The following GALNTL6 variants were observed in gnomAD, a reference collection of about 807,000 sequenced individuals.
The protein encoded by GALNTL6 is polypeptide N-acetylgalactosaminyltransferase-like 6.
Under a neutral mutation model 73.7 loss-of-function variants are expected in GALNTL6, and 46 were observed. The ratio of observed to expected loss-of-function variants is 0.62; its 90% CI spans 0.49 to 0.80. The LOEUF is 0.80. GALNTL6 is among the 30% of genes least tolerant of loss of function. The pLI, the probability that GALNTL6 is intolerant of heterozygous loss-of-function variation, is 0.00. For missense variants in GALNTL6, 604 were observed against 755.0 expected (o/e 0.80, Z 2.34); for synonymous variants, 259 against 263.7 (o/e 0.98, Z 0.17).
At chr4:172,490,961 T>G (rs1733873513) in intron 5 of GALNTL6, among the ~76,000 whole-genome samples, 1 of 152,084 alleles carries the variant, frequency 6.6e-6, no homozygotes, top group Non-Finnish European at 1.5e-5. Context: ...GAGATGGGGC[T>G]AGGGATAAAT....
chr4:172,132,413 C>G (rs1733522842), intron 2 of GALNTL6, among the ~76,000 whole-genome samples: 1 of 152,128 alleles, frequency 6.6e-6, no homozygotes, highest in Non-Finnish European at 1.5e-5. Flanking sequence ...TCTTTTCCAA[C>G]AGCAGTTCAA....
intron 5 of GALNTL6, among the ~76,000 whole-genome samples, chr4:172,760,674 T>C (rs1458800611): frequency 6.6e-6 from 1 of 152,158 alleles, no homozygotes; most frequent in Non-Finnish European, 1.5e-5. Context: ...TCAAGGACAC[T>C]GGTCCCTGCT....
At chr4:172,439,887 A>G (rs530631575) in intron 5 of GALNTL6, among the ~76,000 whole-genome samples, 2 of 152,176 alleles carry the variant, frequency 1.3e-5, no homozygotes, top group Non-Finnish European at 2.9e-5. Flanking sequence ...ACAGAGTGGA[A>G]CATTTGCTAA....
chr4:172,594,965 G>T (rs1046451410), intron 5 of GALNTL6, among the ~76,000 whole-genome samples: 17 of 152,116 alleles, frequency 1.1e-4, no homozygotes, highest in African/African-American at 4.1e-4. Flanking sequence ...AGAGGTCAGG[G>T]TGGCCCCGTG....
intron 3 of GALNTL6, among the ~76,000 whole-genome samples, chr4:172,285,945 A>C (rs1244283587): frequency 3.7e-4 from 56 of 152,220 alleles, no homozygotes; most frequent in Non-Finnish European, 5.9e-5. Context: ...TGGATGAAAA[A>C]TACAAAAGAC....
chr4:172,048,691 C>T (rs1379139639), intron 2 of GALNTL6, among the ~76,000 whole-genome samples: 1 of 152,024 alleles, frequency 6.6e-6, no homozygotes, highest in Non-Finnish European at 1.5e-5. Flanking sequence ...GAAATAATAA[C>T]CAATCTGTTT....
chr4:172,820,305 T>C (rs10009997), intron 7 of GALNTL6, among the ~76,000 whole-genome samples: 1,861 of 152,320 alleles, frequency 0.012, 36 homozygotes, highest in African/African-American at 0.042. Context: ...CAGAACCTTA[T>C]TGATGGCACT....
chr4:172,230,069 A>T (rs1737003185), intron 3 of GALNTL6, among the ~76,000 whole-genome samples: 1 of 152,178 alleles, frequency 6.6e-6, no homozygotes, highest in Admixed American at 6.5e-5. Flanking sequence ...ATGAGACTTG[A>T]CCTGGTAGAT....
At chr4:172,390,010 G>T (rs1292616895) in intron 5 of GALNTL6, among the ~76,000 whole-genome samples, 1 of 152,092 alleles carries the variant, frequency 6.6e-6, no homozygotes, top group African/African-American at 2.4e-5. Context: ...TGGAAGTGAT[G>T]AATGATATAC....
intron 5 of GALNTL6, among the ~76,000 whole-genome samples, chr4:172,788,970 A>G (rs966212255): frequency 5.9e-5 from 9 of 152,318 alleles, no homozygotes; most frequent in Admixed American, 1.3e-4. Context: ...ATCTGAAACC[A>G]TGTTTTTCCT....
chr4:172,357,654 C>CAT (rs1742210284), intron 5 of GALNTL6, among the ~76,000 whole-genome samples: 3 of 34,512 alleles, frequency 8.7e-5, no homozygotes, highest in Admixed American at 9.8e-4. Flanking sequence ...CACACACACA[C>CAT]ACACACACAC....
intron 2 of GALNTL6, among the ~76,000 whole-genome samples, chr4:172,201,562 C>T (rs951770793): frequency 2.7e-5 from 4 of 150,836 alleles, no homozygotes; most frequent in Admixed American, 6.6e-5. Context: ...GGTTGGCACT[C>T]GTAAAGGTCT....
At chr4:173,028,311 T>C (rs775092593) in intron 12 of GALNTL6, among the ~76,000 whole-genome samples, 16 of 152,210 alleles carry the variant, frequency 1.1e-4, no homozygotes, top group Non-Finnish European at 1.9e-4. Flanking sequence ...GAGGATAGAC[T>C]GACTGAGGCT....
chr4:172,752,923 A>G (rs34567973), intron 5 of GALNTL6, among the ~76,000 whole-genome samples: 68,472 of 151,952 alleles, frequency 0.45, 17,726 homozygotes, highest in East Asian at 0.68. Context: ...GAGATGATAT[A>G]CTCAATTTAG....
At chr4:172,393,093 C>T (rs182398178) in intron 5 of GALNTL6, among the ~76,000 whole-genome samples, 12 of 152,268 alleles carry the variant, frequency 7.9e-5, no homozygotes, top group African/African-American at 2.9e-4. Context: ...TGAGGTGGAA[C>T]AGTTTCATCC....
intron 2 of GALNTL6, among the ~76,000 whole-genome samples, chr4:172,036,608 ATAAT>A (rs1443712647): frequency 6.6e-6 from 1 of 152,124 alleles, no homozygotes; most frequent in Middle Eastern, 3.2e-3. Flanking sequence ...ATTTCAGTAT[ATAAT>A]TAACCACTTT....
At chr4:172,218,545 G>A (rs917541177) in intron 2 of GALNTL6, among the ~76,000 whole-genome samples, 1 of 152,024 alleles carries the variant, frequency 6.6e-6, no homozygotes, top group African/African-American at 2.4e-5. Context: ...TGTAAGAAAA[G>A]AGACCTTGGT....
At chr4:172,006,241 C>A (rs890853141) in intron 2 of GALNTL6, among the ~76,000 whole-genome samples, 1 of 152,118 alleles carries the variant, frequency 6.6e-6, no homozygotes, top group African/African-American at 2.4e-5. Context: ...ACTGTGGAAG[C>A]CTGCACTATT....
At chr4:172,388,108 CT>C (rs1179317457) in intron 5 of GALNTL6, among the ~76,000 whole-genome samples, 1 of 152,092 alleles carries the variant, frequency 6.6e-6, no homozygotes, top group East Asian at 1.9e-4. Context: ...CCAAGTGTTA[CT>C]TTGTTATCAC....
Sources: allele counts gnomAD v4.1 joint callset (sites outside exome capture counted in the v4.1 genomes callset), GRCh38; gene constraint gnomAD v4.1.1; transcripts MANE v1.5; gene names NCBI Gene and HGNC (gene_info 2026-07-23, HGNC 2026-07-21).